Variants in SLC18A2 observed in about 807,000 individuals in gnomAD.
SLC18A2 encodes solute carrier family 18 member A2, also known as synaptic vesicular amine transporter.
In SLC18A2, 33 loss-of-function variants were observed where a neutral mutation model predicts 59.2. The observed-to-expected ratio is 0.56, with a 90% CI of 0.42 to 0.75. The LOEUF (loss-of-function observed/expected upper bound fraction) is 0.75. SLC18A2 is among the 30% of genes least tolerant of loss of function. SLC18A2 has a pLI of 0.00. For missense variants in SLC18A2, 569 were observed against 668.6 expected (o/e 0.85, Z 1.64); for synonymous variants, 228 against 253.5 (o/e 0.90, Z 0.95).
intron 15 of SLC18A2, among the ~76,000 whole-genome samples, chr10:117,276,644 A>AAAAAAGAC (rs1844497197): frequency 7.5e-6 from 1 of 132,788 alleles, no homozygotes; most frequent in Non-Finnish European, 1.6e-5. Flanking sequence ...GAAAGAAAGA[A>AAAAAAGAC]AGAAAGAAAA....
chr10:117,249,657 A>C (rs363401), intron 3 of SLC18A2, among the ~76,000 whole-genome samples: 1,784 of 152,288 alleles, frequency 0.012, 28 homozygotes, highest in African/African-American at 0.041. Context: ...ATGAGAAGAG[A>C]GCTTCCATTA....
intron 9 of SLC18A2, 95 bp downstream of exon 9, chr10:117,255,752 C>A: frequency 1.8e-6 from 2 of 1,113,666 alleles, no homozygotes; most frequent in Non-Finnish European, 2.6e-6. Context: ...TTTCGTTTTG[C>A]TGCTAGAAAT....
intron 10 of SLC18A2, among the ~76,000 whole-genome samples, chr10:117,261,768 G>T (rs2133738674): frequency 6.6e-6 from 1 of 152,302 alleles, no homozygotes; most frequent in East Asian, 1.9e-4. Context: ...GGGGAGAGGG[G>T]GTAAGGATGG....
At chr10:117,266,236 CATAAAT>C (rs777293029) in intron 10 of SLC18A2, among the ~76,000 whole-genome samples, 5 of 151,852 alleles carry the variant, frequency 3.3e-5, no homozygotes, top group African/African-American at 7.2e-5. Context: ...TCAAAACACA[CATAAAT>C]ATATTTATAT....
At chr10:117,242,858 G>A (rs921445284) in intron 2 of SLC18A2, among the ~76,000 whole-genome samples, 6 of 152,042 alleles carry the variant, frequency 3.9e-5, no homozygotes, top group Non-Finnish European at 4.4e-5. Flanking sequence ...TTAGCCTCCC[G>A]AGTAGCTGGG....
At chr10:117,267,068 C>T in intron 12 of SLC18A2, 33 bp downstream of exon 12, 2 of 1,536,416 alleles carry the variant, frequency 1.3e-6, no homozygotes, top group Non-Finnish European at 1.8e-6. Context: ...CAAGTGGGAA[C>T]AATCTGTGAA....
At chr10:117,246,076 G>A (rs142777124) in intron 3 of SLC18A2, among the ~76,000 whole-genome samples, 1 of 152,286 alleles carries the variant, frequency 6.6e-6, no homozygotes, top group East Asian at 1.9e-4. Flanking sequence ...TTGCAGGATT[G>A]TTTTCTTTCC....
intron 3 of SLC18A2, among the ~76,000 whole-genome samples, chr10:117,247,762 C>A (rs1470759196): frequency 2.6e-5 from 4 of 152,150 alleles, no homozygotes; most frequent in Non-Finnish European, 5.9e-5. Context: ...CTCGTGCATC[C>A]CTAAAGATGT....
At chr10:117,268,066 C>T (rs1016492457) in intron 13 of SLC18A2, 8 of 250,860 alleles carry the variant, frequency 3.2e-5, no homozygotes, top group Non-Finnish European at 5.5e-5. Context: ...CAGGTCTTCT[C>T]ATGAGGCTGG....
At chr10:117,274,130 T>G (rs762106958) in intron 15 of SLC18A2, among the ~76,000 whole-genome samples, 10 of 152,196 alleles carry the variant, frequency 6.6e-5, no homozygotes, top group Admixed American at 5.2e-4. Context: ...TTTGAAACAT[T>G]ACATGCCACC....
At position 117,269,937 on chromosome 10, in the gene SLC18A2, C is replaced by G. The variant is rs1828433237; in HGVS notation, c.1187-134C>G. 2 of 1,058,194 alleles carry G rather than the reference C, an allele frequency of 1.9e-6. No homozygotes were observed. The highest frequency in any genetic ancestry group is 2.8e-6 in the Non-Finnish European group (2 of 723,994). 65.6% of individuals were successfully genotyped at this position (1,058,194 alleles called of 1,614,324 possible). ...TTTCTACTCAAAGATTAGTATCACC[C>G]CAAGACTTGCAGGTGGTGATGACAG... is the stretch of plus-strand genomic sequence containing the variant. On this transcript the variant is annotated intron_variant, in intron 13 of 15. Transcript: ENST00000644641. The surrounding 1 kb of genome is among the most constrained non-coding windows in gnomAD (Gnocchi z 5.1).
intron 2 of SLC18A2, 70 bp downstream of exon 2, chr10:117,241,884 C>A: frequency 7.0e-7 from 1 of 1,429,806 alleles, no homozygotes; most frequent in Non-Finnish European, 9.4e-7. Context: ...ACTCCACTTA[C>A]CCCTGCGCGG....
chr10:117,256,083 A>G (rs896667121), intron 9 of SLC18A2, among the ~76,000 whole-genome samples: 7 of 152,094 alleles, frequency 4.6e-5, no homozygotes, highest in African/African-American at 1.7e-4. Flanking sequence ...ATGAATAGAA[A>G]CTGACAGCAG....
intron 3 of SLC18A2, among the ~76,000 whole-genome samples, chr10:117,248,317 A>G (rs1257343585): frequency 6.6e-6 from 1 of 152,162 alleles, no homozygotes; most frequent in Non-Finnish European, 1.5e-5. Flanking sequence ...CCCTGAAAAT[A>G]TAGAGTAACA....
Position 117,270,070 on chromosome 10 carries a change from G to A in SLC18A2, c.1187-1G>A. The A allele has an allele frequency of 6.2e-7, 1 of 1,614,154 alleles. No homozygotes were observed. Among genetic ancestry groups the A allele is most frequent in the South Asian group, 1.1e-5 (1 of 91,080 alleles). Reference sequence around the variant, plus strand: ...ACACTGTGTTCCCTGACTGTCTTCAGGAATGGTGGATTCGTCAATGATGCC... The same window carrying A: ...ACACTGTGTTCCCTGACTGTCTTCAAGAATGGTGGATTCGTCAATGATGCC... On this transcript the variant is annotated splice_acceptor_variant, in intron 13 of 15. Coordinates refer to ENST00000644641, the MANE Select transcript of SLC18A2 (RefSeq NM_003054.6). LOFTEE classifies it high-confidence loss of function.
chr10:117,259,090 G>A lies in SLC18A2; in HGVS notation c.991+1198G>A, dbSNP rs143394792. Reference sequence around the variant, plus strand: ...CATCTTCTGTCCTCCCTGAATAATTGCATTACAGCTTCTTGTTAGACTGGC... The same window carrying A: ...CATCTTCTGTCCTCCCTGAATAATTACATTACAGCTTCTTGTTAGACTGGC... On this transcript the variant is annotated intron_variant, in intron 10 of 15. Coordinates refer to ENST00000644641, the MANE Select transcript of SLC18A2 (RefSeq NM_003054.6). 4.6e-3 allele frequency among the ~76,000 whole-genome samples: 700 copies of A among 152,236 alleles called. 5 individuals are homozygous for A. The highest frequency in any genetic ancestry group is 0.016 in the African/African-American group (664 of 41,526).
At chr10:117,255,564 T>C (rs1183553607) in intron 8 of SLC18A2, 33 bp from the exon 9 acceptor site, 1 of 1,614,012 alleles carries the variant, frequency 6.2e-7, no homozygotes, top group Non-Finnish European at 8.5e-7. Flanking sequence ...GGGGGCATGG[T>C]GCTGCTTCTG....
rs1211038830 is a variant in SLC18A2 at position 117,267,985 on chromosome 10, C to T, written c.1186+249C>T. 6 of 397,418 alleles carry T rather than the reference C, an allele frequency of 1.5e-5. No homozygotes were observed. In the Admixed American group the frequency reaches 1.7e-4, roughly 11 times the overall value. 24.6% of individuals were successfully genotyped at this position (397,418 alleles called of 1,614,324 possible). ...ATATTTACAGAAGGAAACTGATGCT[C>T]CACTGCTGGGGCTGGGCAAACAAAG... is the stretch of plus-strand genomic sequence containing the variant. On this transcript the variant is annotated intron_variant, in intron 13 of 15. Transcript: ENST00000644641.
At chr10:117,257,306 C>T (rs1029926159) in intron 9 of SLC18A2, among the ~76,000 whole-genome samples, 3 of 151,840 alleles carry the variant, frequency 2.0e-5, no homozygotes, top group Non-Finnish European at 4.4e-5. Flanking sequence ...CTCCACCTAA[C>T]GGCATGCCTG....
Sources: gnomAD v4.1 joint callset for allele counts (sites outside exome capture counted in the v4.1 genomes callset) on GRCh38, gnomAD v4.1.1 for gene constraint, Gnocchi (gnomAD v3.1) non-coding constraint, MANE v1.5 for transcripts, NCBI Gene and HGNC (gene_info 2026-07-23, HGNC 2026-07-21) for gene names.